The following TMEM117 variants were observed in gnomAD, a reference collection of about 807,000 sequenced individuals.
TMEM117 encodes transmembrane protein 117.
TMEM117 carries 27 observed loss-of-function variants against 52.4 expected under a neutral mutation model. The observed-to-expected ratio is 0.51, with a 90% CI of 0.38 to 0.71. The LOEUF is 0.71. Among genes scored for constraint, TMEM117 ranks in the 30% least tolerant of loss-of-function variants. The pLI is 0.00. For synonymous variants in TMEM117, 215 were observed against 206.3 expected (o/e 1.04, Z -0.36); for missense variants, 556 against 630.5 (o/e 0.88, Z 1.26).
At chr12:44,387,423 T>C (rs1395567743) in intron 7 of TMEM117, among the ~76,000 whole-genome samples, 2 of 152,056 alleles carry the variant, frequency 1.3e-5, no homozygotes, top group Non-Finnish European at 2.9e-5. Context: ...TACATTTATG[T>C]CTGATAAATG....
At chr12:43,973,868 C>T (rs1945630846) in intron 3 of TMEM117, among the ~76,000 whole-genome samples, 1 of 152,132 alleles carries the variant, frequency 6.6e-6, no homozygotes, top group African/African-American at 2.4e-5. Context: ...TTTTCATATG[C>T]CACATTATAG....
the TMEM117 span, among the ~76,000 whole-genome samples, chr12:43,814,057 A>G: frequency 6.6e-6 from 1 of 152,170 alleles, no homozygotes; most frequent in African/African-American, 2.4e-5. Context: ...GTTGAAAAGG[A>G]CACAGACCTT....
intron 3 of TMEM117, among the ~76,000 whole-genome samples, chr12:44,018,622 A>G (rs1029005413): frequency 3.3e-5 from 5 of 152,174 alleles, no homozygotes; most frequent in African/African-American, 1.2e-4. Flanking sequence ...TAAACCACAT[A>G]GTATGTCTTA....
At chr12:44,115,384 C>G (rs1293211817) in intron 3 of TMEM117, among the ~76,000 whole-genome samples, 6 of 152,140 alleles carry the variant, frequency 3.9e-5, no homozygotes, top group African/African-American at 1.4e-4. Flanking sequence ...GTGCAGCACA[C>G]AAACATGGCA....
chr12:43,820,449 A>G, the TMEM117 span, among the ~76,000 whole-genome samples: 58 of 151,558 alleles, frequency 3.8e-4, no homozygotes, highest in Non-Finnish European at 1.3e-4. Context: ...AATTTTTTGT[A>G]TTTTTAGTAG....
chr12:44,277,173 A>G (rs1414395063), intron 5 of TMEM117, among the ~76,000 whole-genome samples: 3 of 152,118 alleles, frequency 2.0e-5, no homozygotes, highest in Non-Finnish European at 2.9e-5. Context: ...TTCTAATTCA[A>G]TGATCATTTT....
intron 3 of TMEM117, among the ~76,000 whole-genome samples, chr12:44,052,153 A>G (rs900535410): frequency 5.3e-5 from 8 of 152,348 alleles, no homozygotes; most frequent in African/African-American, 1.9e-4. Flanking sequence ...AAATTTGAGG[A>G]AGATCTTTAT....
intron 3 of TMEM117, among the ~76,000 whole-genome samples, chr12:43,961,468 A>C (rs1176894495): frequency 6.6e-6 from 1 of 152,188 alleles, no homozygotes; most frequent in Non-Finnish European, 1.5e-5. Context: ...TCTTAAAGAT[A>C]CTTATAGAGT....
intron 3 of TMEM117, among the ~76,000 whole-genome samples, chr12:44,008,418 T>G (rs1946236226): frequency 6.6e-6 from 1 of 152,216 alleles, no homozygotes; most frequent in Admixed American, 6.5e-5. Context: ...TCATTTTTTT[T>G]GTTTATAAGA....
At chr12:43,949,400 C>A (rs1291614816) in intron 3 of TMEM117, among the ~76,000 whole-genome samples, 2 of 152,256 alleles carry the variant, frequency 1.3e-5, no homozygotes, top group East Asian at 3.9e-4. Flanking sequence ...AGTAGCCTGC[C>A]AGCACTTGGG....
At chr12:44,045,528 G>A (rs1946867613) in intron 3 of TMEM117, among the ~76,000 whole-genome samples, 1 of 152,150 alleles carries the variant, frequency 6.6e-6, no homozygotes, top group Admixed American at 6.5e-5. Flanking sequence ...CTCTGACCAA[G>A]GTACTCACTT....
chr12:44,055,805 CTA>C (rs1348458276), intron 3 of TMEM117, among the ~76,000 whole-genome samples: 1 of 152,032 alleles, frequency 6.6e-6, no homozygotes, highest in Admixed American at 6.6e-5. Context: ...CGTCTTGCAC[CTA>C]CTTTTTTAAC....
the TMEM117 span, among the ~76,000 whole-genome samples, chr12:43,807,994 C>T: frequency 8.5e-5 from 13 of 152,058 alleles, no homozygotes; most frequent in South Asian, 4.1e-4. Flanking sequence ...TCCTGTGTGA[C>T]GAGCTGAAAA....
chr12:44,056,736 G>GAT (rs1352668771), intron 3 of TMEM117, among the ~76,000 whole-genome samples: 1 of 152,136 alleles, frequency 6.6e-6, no homozygotes, highest in Non-Finnish European at 1.5e-5. Context: ...TAGGCACTGT[G>GAT]ATAGTGTGTG....
intron 6 of TMEM117, among the ~76,000 whole-genome samples, chr12:44,315,088 A>C (rs759854862): frequency 5.9e-5 from 9 of 152,062 alleles, no homozygotes; most frequent in Non-Finnish European, 1.3e-4. Flanking sequence ...TTTCTGTGGA[A>C]TTGGTTGTAA....
intron 2 of TMEM117, among the ~76,000 whole-genome samples, chr12:43,914,122 G>A (rs551585043): frequency 6.6e-6 from 1 of 152,216 alleles, no homozygotes; most frequent in East Asian, 1.9e-4. Context: ...AATGGAAACC[G>A]TGATGCTATA....
the TMEM117 span, chr12:43,804,314 T>G: frequency 5.1e-6 from 3 of 591,100 alleles, no homozygotes; most frequent in Non-Finnish European, 9.3e-6. Flanking sequence ...AGTCACATAA[T>G]TCAGAATGAA....
chr12:43,930,477 A>G (rs1394833349), intron 2 of TMEM117, among the ~76,000 whole-genome samples: 3 of 152,172 alleles, frequency 2.0e-5, no homozygotes, highest in Non-Finnish European at 2.9e-5. Context: ...TATGGTCCCT[A>G]TGACACTGAA....
chr12:44,107,229 C>G (rs185034968), intron 3 of TMEM117, among the ~76,000 whole-genome samples: 53 of 152,132 alleles, frequency 3.5e-4, no homozygotes, highest in African/African-American at 1.2e-3. Context: ...TCTCTTATTT[C>G]CCAGGGTTAG....
Sources: gnomAD v4.1 joint callset for allele counts (sites outside exome capture counted in the v4.1 genomes callset) on GRCh38, gnomAD v4.1.1 for gene constraint, MANE v1.5 for transcripts, NCBI Gene and HGNC (gene_info 2026-07-23, HGNC 2026-07-21) for gene names.